TIAM1: variants seen among roughly 807,000 people sequenced by gnomAD.
TIAM1 encodes the protein TIAM Rac1 associated GEF 1, also known as rho guanine nucleotide exchange factor TIAM1.
TIAM1 carries 65 observed loss-of-function variants against 163.5 expected under a neutral mutation model. The observed-to-expected ratio is 0.40, with a 90% CI of 0.33 to 0.49. TIAM1 has a LOEUF of 0.49. Ranked by LOEUF, TIAM1 falls within the 20% of genes least tolerant of loss-of-function variation. The pLI, the probability that TIAM1 is intolerant of heterozygous loss-of-function variation, is 0.77. For missense variants in TIAM1, 1,789 were observed against 2,044.7 expected (o/e 0.87, Z 2.41); for synonymous variants, 833 against 810.1 (o/e 1.03, Z -0.48).
chr21:31,321,150 G>A (rs73353402), intron 2 of TIAM1, among the ~76,000 whole-genome samples: 5 of 151,948 alleles, frequency 3.3e-5, no homozygotes, highest in Admixed American at 1.3e-4. Context: ...AAGGGGGCGG[G>A]GGGGGATGAC....
rs555159647 is a variant in TIAM1 at position 31,529,272 on chromosome 21, G to A, written c.-422+29655C>T. On this transcript the variant is annotated intron_variant, in intron 1 of 28. Coordinates refer to the TIAM1 transcript ENST00000286827. ...TACTTGAGTCCAATGGGGAAAGGTG[G>A]AAAAAAAAAGTCACAAAACCTGTCC... Among the ~76,000 whole-genome samples, 5 of 150,424 alleles carry A rather than the reference G, an allele frequency of 3.3e-5. No homozygotes were observed. The South Asian group carries it at 6.3e-4, about 19-fold the overall frequency.
Position 31,353,835 on chromosome 21 carries a change from C to CTTTTTTTTTTTTTTTT in TIAM1, c.-368-14429_-368-14414dup. The stretch of plus-strand genomic sequence containing the variant: ...TGTTTTTATTTATTTATTTATTTAT[C>CTTTTTTTTTTTTTTTT]TTTTTTTTTTTTTTTTTTTTTGAGA... On this transcript the variant is annotated intron_variant, in intron 2 of 28. Transcript: ENST00000286827. 7.0e-4 allele frequency among the ~76,000 whole-genome samples: 50 copies of CTTTTTTTTTTTTTTTT among 71,234 alleles called. 9 individuals are homozygous for CTTTTTTTTTTTTTTTT. The highest frequency in any genetic ancestry group is 1.0e-3 in the Admixed American group (4 of 3,906). 46.7% of individuals were successfully genotyped at this position (71,234 alleles called of 152,430 possible).
At chr21:31,468,969 C>T (rs1015512733) in intron 1 of TIAM1, among the ~76,000 whole-genome samples, 1 of 152,044 alleles carries the variant, frequency 6.6e-6, no homozygotes. Context: ...CCCCTGCTTC[C>T]TCCCCACAGC....
At chr21:31,341,085 G>A (rs546509125) in intron 1 of TIAM1, among the ~76,000 whole-genome samples, 41 of 152,280 alleles carry the variant, frequency 2.7e-4, no homozygotes, top group African/African-American at 9.1e-4. Context: ...TTGGAGGTAG[G>A]ACAAGAAAGG....
At chr21:31,321,322 T>C (rs542768383) in intron 2 of TIAM1, among the ~76,000 whole-genome samples, 2 of 140,138 alleles carry the variant, frequency 1.4e-5, no homozygotes, top group East Asian at 4.3e-4. Flanking sequence ...GTACGTTATT[T>C]CCCATGCTCT....
At chr21:31,501,416 T>C (rs138162403) in intron 1 of TIAM1, among the ~76,000 whole-genome samples, 187 of 150,598 alleles carry the variant, frequency 1.2e-3, no homozygotes, top group African/African-American at 4.1e-3. Flanking sequence ...AAGCAGAAAA[T>C]CACTTTTCTA....
intron 2 of TIAM1, among the ~76,000 whole-genome samples, chr21:31,390,249 C>T (rs1482216888): frequency 6.6e-6 from 1 of 152,136 alleles, no homozygotes; most frequent in Admixed American, 6.6e-5. Context: ...ACCAGGAGAA[C>T]AGAACCTCAG....
rs879614072 is a variant in TIAM1 at position 31,125,764 on chromosome 21, G to A, written c.4134-1070C>T. On this transcript the variant is annotated intron_variant, in intron 26 of 27. Coordinates refer to ENST00000541036, the MANE Select transcript of TIAM1 (RefSeq NM_001353694.2). Reference sequence around the variant, plus strand: ...TAACTTTTGTATTTTTAGTGGAGACGGGGCTTTGCCATGTTGGCCAGGCTG... The same window carrying A: ...TAACTTTTGTATTTTTAGTGGAGACAGGGCTTTGCCATGTTGGCCAGGCTG... 2.6e-5 allele frequency among the ~76,000 whole-genome samples: 4 copies of A among 152,110 alleles called. 1 individual carries two copies. Among genetic ancestry groups the A allele is most frequent in the Non-Finnish European group, 5.9e-5 (4 of 68,006 alleles).
intron 2 of TIAM1, among the ~76,000 whole-genome samples, chr21:31,460,722 A>G (rs777626000): frequency 6.6e-6 from 1 of 152,264 alleles, no homozygotes; most frequent in Non-Finnish European, 1.5e-5. Flanking sequence ...CTTAAGCTTC[A>G]CACTTCAAAG....
chr21:31,519,422 T>C (rs1331513099), intron 1 of TIAM1, among the ~76,000 whole-genome samples: 1 of 147,686 alleles, frequency 6.8e-6, no homozygotes, highest in Non-Finnish European at 1.5e-5. Flanking sequence ...GGCATGAGAA[T>C]TGATTGAACC....
rs1569031895 is a variant in TIAM1, at chr21:31,210,633, GAA to G, written c.2218-420_2218-419del. Among the ~76,000 whole-genome samples the G allele has an allele frequency of 7.8e-4, 31 of 39,528 alleles. 3 individuals are homozygous for G. Among genetic ancestry groups the G allele is most frequent in the East Asian group, 2.8e-3 (5 of 1,786 alleles). 25.9% of individuals were successfully genotyped at this position (39,528 alleles called of 152,430 possible). A position where few individuals can be genotyped will look rare whatever the true frequency, so the allele number is the denominator to read the frequency against. On this transcript the variant is annotated intron_variant, in intron 10 of 27. Transcript: ENST00000541036. ...AGGAAGGGAGAAAGAAAGAAAGAAAGAAAGAAAGAAAGAAAGAAAGAAAGAAA... is the reference window on the plus strand; with the variant it reads ...AGGAAGGGAGAAAGAAAGAAAGAAAGAGAAAGAAAGAAAGAAAGAAAGAAA...
At chr21:31,537,585 C>G (rs2048180287) in intron 1 of TIAM1, among the ~76,000 whole-genome samples, 1 of 152,004 alleles carries the variant, frequency 6.6e-6, no homozygotes, top group African/African-American at 2.4e-5. Flanking sequence ...AACCCTGTCT[C>G]TACTAAAAAT....
chr21:31,368,681 A>G (rs939690160), intron 2 of TIAM1, among the ~76,000 whole-genome samples: 2 of 152,218 alleles, frequency 1.3e-5, no homozygotes, highest in African/African-American at 4.8e-5. Context: ...GTATACTTAT[A>G]TTTGTAAGAA....
chr21:31,421,351 C>T (rs550130563), intron 2 of TIAM1, among the ~76,000 whole-genome samples: 2 of 152,238 alleles, frequency 1.3e-5, no homozygotes, highest in Admixed American at 6.5e-5. Flanking sequence ...CTCCATAGAG[C>T]AGGGGTCCCT....
At chr21:31,292,372 T>C (rs1352940746) in intron 2 of TIAM1, among the ~76,000 whole-genome samples, 2 of 134,052 alleles carry the variant, frequency 1.5e-5, no homozygotes, top group Non-Finnish European at 3.2e-5. Flanking sequence ...TTCAATTTCC[T>C]TTTTTTTTTT....
At chr21:31,486,948 T>C (rs969269292) in intron 1 of TIAM1, among the ~76,000 whole-genome samples, 5 of 152,170 alleles carry the variant, frequency 3.3e-5, no homozygotes, top group African/African-American at 7.2e-5. Flanking sequence ...GGACAGGCAG[T>C]GGTGCTAGCT....
chr21:31,440,999 G>A (rs2044399536), intron 2 of TIAM1, among the ~76,000 whole-genome samples: 2 of 152,162 alleles, frequency 1.3e-5, no homozygotes, highest in African/African-American at 4.8e-5. Flanking sequence ...CATCGTGGAA[G>A]GAAACACATA....
intron 1 of TIAM1, among the ~76,000 whole-genome samples, chr21:31,479,681 C>T (rs560576828): frequency 5.3e-5 from 8 of 152,130 alleles, no homozygotes; most frequent in Middle Eastern, 3.4e-3. Context: ...TTTACTAACA[C>T]GCCACTGAAG....
rs538055344 is a variant in TIAM1, at chr21:31,465,760, C to T, written c.-421-1725G>A. Among the ~76,000 whole-genome samples the T allele has an allele frequency of 8.5e-5, 13 of 152,136 alleles. No homozygotes were observed. In the East Asian group the frequency reaches 9.7e-4, roughly 11 times the overall value. ...GAATTTTTTGTATTTTTAGTAGAGA[C>T]GGGGTTTCACCGTGTTAGCCTGGAT... is the stretch of plus-strand genomic sequence containing the variant. On this transcript the variant is annotated intron_variant, in intron 1 of 28. Coordinates refer to the TIAM1 transcript ENST00000286827.
Sources: allele counts gnomAD v4.1 joint callset (sites outside exome capture counted in the v4.1 genomes callset), GRCh38; gene constraint gnomAD v4.1.1; transcripts MANE v1.5; gene names NCBI Gene and HGNC (gene_info 2026-07-23, HGNC 2026-07-21).